The following ITK variants were observed in gnomAD, a reference collection of about 807,000 sequenced individuals.
ITK encodes the protein IL2 inducible T cell kinase.
Under a neutral mutation model 87.6 loss-of-function variants are expected in ITK, and 45 were observed. That is an observed-to-expected ratio of 0.51 (90% CI 0.40 to 0.66). The LOEUF is 0.66. ITK is among the 30% of genes least tolerant of loss of function. The probability of loss-of-function intolerance (pLI) is 0.00; values close to 1 mark genes in which losing one functional copy is unlikely to be tolerated. For missense variants in ITK, 605 were observed against 766.3 expected (o/e 0.79, Z 2.48); for synonymous variants, 303 against 273.6 (o/e 1.11, Z -1.06).
At chr5:157,183,111 A>G (rs1753570767) in intron 1 of ITK, among the ~76,000 whole-genome samples, 1 of 152,052 alleles carries the variant, frequency 6.6e-6, no homozygotes, top group South Asian at 2.1e-4. Flanking sequence ...TAACATTTTA[A>G]AAGTATTTCT....
Position 157,238,286 on chromosome 5 carries a change from G to C in ITK, c.851+95G>C. On this transcript the variant is annotated intron_variant, in intron 9 of 16. Coordinates refer to ENST00000422843, the MANE Select transcript of ITK (RefSeq NM_005546.4). ...ACAACAAAGTTAGACAGTGCAAGAG[G>C]TAGAGGCTCACTAGAAATGGTCTGT... The C allele has an allele frequency of 4.3e-6, 4 of 920,002 alleles. No homozygotes were observed. In the South Asian group the frequency reaches 5.4e-5, roughly 12 times the overall value. 57.0% of individuals were successfully genotyped at this position (920,002 alleles called of 1,614,324 possible).
rs765859749 is a variant in ITK, at chr5:157,222,944, C to A, written c.577C>A (p.Arg193=). 5 of 1,614,122 alleles carry A rather than the reference C, an allele frequency of 3.1e-6. No individual in the cohort carries two copies. The Admixed American group carries it at 5.0e-5, about 16-fold the overall frequency. ...CAATGATCCTCAGGAACTCGCACTG[C>A]GGCGCAACGAAGAGTACTGCCTGCT... ...QTNDPQELAL[R]RNEEYCLLDS... Residue 193 remains arginine, a synonymous_variant, in exon 6 of 17, where the codon CGG becomes AGG. Coordinates refer to ENST00000422843, the MANE Select transcript of ITK (RefSeq NM_005546.4).
chr5:157,198,867 A>G (rs373507242), intron 1 of ITK, among the ~76,000 whole-genome samples: 147 of 152,238 alleles, frequency 9.7e-4, no homozygotes, highest in African/African-American at 3.4e-3. Context: ...GGCTCAACTG[A>G]TCCTCCTGCC....
At chr5:157,196,666 CT>C (rs1033922258) in intron 1 of ITK, among the ~76,000 whole-genome samples, 1 of 152,180 alleles carries the variant, frequency 6.6e-6, no homozygotes, top group African/African-American at 2.4e-5. Context: ...TCACTTTCTG[CT>C]GCATACTTGG....
intron 1 of ITK, among the ~76,000 whole-genome samples, chr5:157,191,042 A>G (rs1753743207): frequency 1.3e-5 from 2 of 152,228 alleles, no homozygotes; most frequent in Non-Finnish European, 2.9e-5. Context: ...GAAGCTGGGT[A>G]CAGTCTCCTG....
chr5:157,211,533 C>T (rs1053688571), intron 3 of ITK, 165 bp downstream of exon 3: 1 of 664,292 alleles, frequency 1.5e-6, no homozygotes, highest in Admixed American at 2.1e-5. Flanking sequence ...GAAGCAATAA[C>T]TGGTATCATT....
At chr5:157,208,656 G>T (rs1181377299) in intron 1 of ITK, among the ~76,000 whole-genome samples, 1 of 152,142 alleles carries the variant, frequency 6.6e-6, no homozygotes, top group African/African-American at 2.4e-5. Context: ...GTGTCTCACT[G>T]AGTGGAAACC....
intron 1 of ITK, among the ~76,000 whole-genome samples, chr5:157,192,834 G>C (rs546585427): frequency 3.3e-5 from 5 of 152,244 alleles, no homozygotes; most frequent in South Asian, 2.1e-4. Flanking sequence ...GAAATGAAAA[G>C]ACAAAGCCAG....
At chr5:157,189,698 AAAG>A (rs1455474506) in intron 1 of ITK, among the ~76,000 whole-genome samples, 3 of 152,212 alleles carry the variant, frequency 2.0e-5, no homozygotes, top group African/African-American at 4.8e-5. Flanking sequence ...AAAAAAAGGA[AAAG>A]AAGAAGAGCT....
intron 8 of ITK, among the ~76,000 whole-genome samples, chr5:157,233,971 T>A (rs1194475505): frequency 9.0e-3 from 343 of 38,002 alleles, no homozygotes; most frequent in East Asian, 0.015. Flanking sequence ...ATATTTTTTT[T>A]TTTTTTTTTT....
At chr5:157,220,833 A>AT (rs1248485275) in intron 5 of ITK, among the ~76,000 whole-genome samples, 2 of 152,140 alleles carry the variant, frequency 1.3e-5, no homozygotes, top group African/African-American at 2.4e-5. Context: ...TATATACACA[A>AT]TTTTTTAAAA....
chr5:157,230,489 A>G (rs776259790), intron 7 of ITK, among the ~76,000 whole-genome samples: 2 of 152,206 alleles, frequency 1.3e-5, no homozygotes, highest in African/African-American at 2.4e-5. Context: ...TTTAGTGAAG[A>G]ACCGTCATTT....
chr5:157,233,263 G>A (rs1307083881), intron 8 of ITK, among the ~76,000 whole-genome samples: 2 of 152,170 alleles, frequency 1.3e-5, no homozygotes, highest in Non-Finnish European at 2.9e-5. Flanking sequence ...TCCTTGTCCT[G>A]TGACCAACAC....
intron 1 of ITK, among the ~76,000 whole-genome samples, chr5:157,188,540 G>T (rs897907752): frequency 2.0e-5 from 3 of 152,152 alleles, no homozygotes; most frequent in Admixed American, 6.6e-5. Context: ...CACATAAAAT[G>T]GCACTCATTC....
At chr5:157,186,343 TCAAGA>T (rs1753642149) in intron 1 of ITK, among the ~76,000 whole-genome samples, 1 of 150,520 alleles carries the variant, frequency 6.6e-6, no homozygotes, top group African/African-American at 2.5e-5. Context: ...TTTATTCACT[TCAAGA>T]AGCCCCGCTA....
intron 13 of ITK, chr5:157,244,767 C>A (rs1307185261): frequency 1.7e-5 from 7 of 407,340 alleles, no homozygotes; most frequent in Non-Finnish European, 3.3e-5. Context: ...GACTCAATTT[C>A]CTCCTGGTAA....
intron 15 of ITK, among the ~76,000 whole-genome samples, chr5:157,246,262 A>G (rs1327210292): frequency 1.3e-5 from 2 of 152,254 alleles, no homozygotes; most frequent in Non-Finnish European, 2.9e-5. Flanking sequence ...TGAAGTCAAA[A>G]GCTGGAGAAG....
chr5:157,238,022 C>T lies in ITK; in HGVS notation c.769-87C>T, dbSNP rs997262726. On this transcript the variant is annotated intron_variant, in intron 8 of 16. Coordinates refer to ENST00000422843, the MANE Select transcript of ITK (RefSeq NM_005546.4). ...ATGCCAAGTGGGCCTACAGTATTTC[C>T]TCCTTCTGTGGGCAAGAAAGTGGAG... 13 of 974,296 alleles carry T rather than the reference C, an allele frequency of 1.3e-5. No homozygotes were observed. The African/African-American group carries it at 1.8e-4, about 13-fold the overall frequency. 60.4% of individuals were successfully genotyped at this position (974,296 alleles called of 1,614,324 possible). A position where few individuals can be genotyped will look rare whatever the true frequency, so the allele number is the denominator to read the frequency against.
At chr5:157,214,897 C>A (rs30140) in intron 4 of ITK, among the ~76,000 whole-genome samples, 17 of 152,130 alleles carry the variant, frequency 1.1e-4, no homozygotes, top group Non-Finnish European at 2.5e-4. Context: ...TTGACCTCCA[C>A]AGTCTCAGAG....
Sources: allele counts gnomAD v4.1 joint callset (sites outside exome capture counted in the v4.1 genomes callset), GRCh38; gene constraint gnomAD v4.1.1; transcripts MANE v1.5; gene names NCBI Gene and HGNC (gene_info 2026-07-23, HGNC 2026-07-21).